Variants in ERLIN1 observed in about 807,000 individuals in gnomAD.
ERLIN1 encodes the protein erlin-1.
A neutral mutation model predicts 46.9 loss-of-function variants in ERLIN1; 24 were observed. That is an observed-to-expected ratio of 0.51 (90% confidence interval 0.37 to 0.72). ERLIN1 has a LOEUF of 0.72. ERLIN1 is among the 30% of genes least tolerant of loss of function. The pLI, the probability that ERLIN1 is intolerant of heterozygous loss-of-function variation, is 0.00. For synonymous variants in ERLIN1, 158 were observed against 143.2 expected (o/e 1.10, Z -0.74); for missense variants, 293 against 417.9 (o/e 0.70, Z 2.61).
At chr10:100,176,148 C>G (rs1844287261) in intron 4 of ERLIN1, 78 bp from the exon 5 acceptor site, 1 of 1,344,792 alleles carries the variant, frequency 7.4e-7, no homozygotes, top group African/African-American at 1.5e-5. Flanking sequence ...GGGTAAAAGT[C>G]AGGGTGATAT....
intron 8 of ERLIN1, among the ~76,000 whole-genome samples, chr10:100,158,382 G>T (rs1843182761): frequency 7.9e-5 from 12 of 152,148 alleles, no homozygotes; most frequent in Non-Finnish European, 1.5e-5. Flanking sequence ...ATAGGTGCAA[G>T]CAGCCAAACA....
intron 8 of ERLIN1, among the ~76,000 whole-genome samples, chr10:100,159,706 T>TTTAAA (rs56753663): frequency 0.25 from 37,256 of 151,654 alleles, 8,077 homozygotes; most frequent in African/African-American, 0.58. Flanking sequence ...GGAAAAGGTT[T>TTTAAA]AGAATTAAAA....
At chr10:100,182,331 T>TA (rs1161485876) in intron 2 of ERLIN1, among the ~76,000 whole-genome samples, 2 of 151,986 alleles carry the variant, frequency 1.3e-5, no homozygotes, top group African/African-American at 2.4e-5. Flanking sequence ...CGCCGGGCCT[T>TA]AGAGTCTTGA....
intron 1 of ERLIN1, 21 bp from the exon 2 acceptor site, chr10:100,183,858 T>C (rs200875472): frequency 6.4e-7 from 1 of 1,569,390 alleles, no homozygotes; most frequent in Non-Finnish European, 8.8e-7. Context: ...ATGTTTCAAT[T>C]TGACAAAATT....
At chr10:100,180,002 T>C (rs1844546323) in intron 2 of ERLIN1, among the ~76,000 whole-genome samples, 2 of 152,246 alleles carry the variant, frequency 1.3e-5, no homozygotes, top group Admixed American at 6.5e-5. Flanking sequence ...GACTCAAAGC[T>C]GCCCTTGAAT....
chr10:100,178,102 T>C (rs755995041), intron 4 of ERLIN1, 31 bp downstream of exon 4: 34 of 1,431,682 alleles, frequency 2.4e-5, no homozygotes, highest in Non-Finnish European at 2.7e-5. Context: ...TGGCTATAAC[T>C]ATAAAAACCA....
Position 100,163,210 on chromosome 10 carries a change from G to A in ERLIN1, c.655+794C>T, listed in dbSNP as rs139215741. Among the ~76,000 whole-genome samples, 3 of 151,978 alleles carry A rather than the reference G, an allele frequency of 2.0e-5. No individual in the cohort carries two copies. In the East Asian group the frequency reaches 5.8e-4, roughly 29 times the overall value. On this transcript the variant is annotated intron_variant, in intron 8 of 10. Coordinates refer to ENST00000421367, the MANE Select transcript of ERLIN1 (RefSeq NM_006459.4). ...GGTAACATTTTTGTAGTTTCAAACAGGTAAAACAATTTTATAAACTCTTAC... is the reference window on the plus strand; with the variant it reads ...GGTAACATTTTTGTAGTTTCAAACAAGTAAAACAATTTTATAAACTCTTAC...
At chr10:100,171,469 G>A (rs1843994501) in intron 6 of ERLIN1, among the ~76,000 whole-genome samples, 1 of 152,114 alleles carries the variant, frequency 6.6e-6, no homozygotes, top group Non-Finnish European at 1.5e-5. Context: ...AGTACAGCAT[G>A]AACACAGTTC....
Position 100,151,385 on chromosome 10 carries a change from A to G in ERLIN1, c.*746T>C, listed in dbSNP as rs12806. ...TCATCAACCCAATGCAGGGAATGCA[A>G]GGCCCCAGAGCTTTGGCTCAGAGCA... On this transcript the variant is annotated 3_prime_UTR_variant, in exon 11 of 11. Coordinates refer to ENST00000421367, the MANE Select transcript of ERLIN1 (RefSeq NM_006459.4). 37,634 of 153,102 alleles carry G rather than the reference A, an allele frequency of 0.25. 8,259 individuals carry two copies. Among genetic ancestry groups the G allele is most frequent in the African/African-American group, 0.58 (24,188 of 41,428 alleles). The allele number at this position is 153,102 out of a possible 1,614,324, so 9.5% of individuals were successfully genotyped here. A position where few individuals can be genotyped will look rare whatever the true frequency, so the allele number is the denominator to read the frequency against.
chr10:100,171,505 A>G (rs910492662), intron 6 of ERLIN1, among the ~76,000 whole-genome samples: 4 of 152,138 alleles, frequency 2.6e-5, no homozygotes, highest in Non-Finnish European at 4.4e-5. Flanking sequence ...TGCTGTGTTC[A>G]AGTCATCCTC....
In ERLIN1 at chr10:100,183,828, A is replaced by C. The variant is rs146824982; in HGVS notation, c.123T>G (p.Ala41=). The change falls in exon 2 of 11, where the codon GCT becomes GCG. Residue 41 remains alanine (A), a synonymous_variant. Coordinates refer to ENST00000421367, the MANE Select transcript of ERLIN1 (RefSeq NM_006459.4). ...CTGGTCCACTGGGGCTAGTTAGTAA[A>C]GCTCCTCCCCTGCAAAAAGATGTTT... The part of the protein sequence containing the change: ...GHLAVYYRGG[A]LLTSPSGPGY... 7.4e-6 allele frequency: 12 copies of C among 1,611,946 alleles called. No homozygotes were observed. In the African/African-American group the frequency reaches 1.5e-4, roughly 20 times the overall value.
At chr10:100,159,359 G>A (rs998332577) in intron 8 of ERLIN1, among the ~76,000 whole-genome samples, 8 of 152,096 alleles carry the variant, frequency 5.3e-5, no homozygotes, top group African/African-American at 1.9e-4. Flanking sequence ...TAATTGATAG[G>A]TCAAGAAGGC....
intron 8 of ERLIN1, among the ~76,000 whole-genome samples, chr10:100,162,527 A>G (rs1453748829): frequency 6.6e-6 from 1 of 152,146 alleles, no homozygotes; most frequent in Non-Finnish European, 1.5e-5. Flanking sequence ...AAGACATGCT[A>G]CCCTATGACC....
chr10:100,171,010 G>C (rs999722050), intron 6 of ERLIN1, among the ~76,000 whole-genome samples: 3 of 152,228 alleles, frequency 2.0e-5, no homozygotes, highest in African/African-American at 7.2e-5. Context: ...TGAGGGGATG[G>C]AGCTGAAGGC....
At chr10:100,160,434 CAA>C (rs1231447911) in intron 8 of ERLIN1, among the ~76,000 whole-genome samples, 1 of 151,590 alleles carries the variant, frequency 6.6e-6, no homozygotes, top group African/African-American at 2.4e-5. Context: ...AACCATGATA[CAA>C]AAAAACCTAA....
At chr10:100,168,140 A>T (rs1843750285) in intron 6 of ERLIN1, among the ~76,000 whole-genome samples, 1 of 152,118 alleles carries the variant, frequency 6.6e-6, no homozygotes, top group African/African-American at 2.4e-5. Context: ...TTGATCTCTC[A>T]AAAGCTTTTG....
intron 6 of ERLIN1, among the ~76,000 whole-genome samples, 188 bp downstream of exon 6, chr10:100,174,020 C>T (rs1844152098): frequency 6.6e-6 from 1 of 152,182 alleles, no homozygotes; most frequent in African/African-American, 2.4e-5. Flanking sequence ...TAGGAGTTCA[C>T]AAATGTCACC....
rs144877693 is a variant in ERLIN1, at chr10:100,165,832, T to A, written c.563+1516A>T. 9.8e-3 allele frequency among the ~76,000 whole-genome samples: 1,493 copies of A among 152,258 alleles called. 26 individuals are homozygous for A. The highest frequency in any genetic ancestry group is 0.035 in the African/African-American group (1,437 of 41,534). On this transcript the variant is annotated intron_variant, in intron 7 of 10. Coordinates refer to ENST00000421367, the MANE Select transcript of ERLIN1 (RefSeq NM_006459.4). The stretch of plus-strand genomic sequence containing the variant: ...CCTCTACCTCCCCGGTTGAAGCGAC[T>A]CTCCTACCTCAGCCTCCCCAGTAGC...
At chr10:100,181,335 G>A (rs914806147) in intron 2 of ERLIN1, among the ~76,000 whole-genome samples, 1 of 152,018 alleles carries the variant, frequency 6.6e-6, no homozygotes, top group African/African-American at 2.4e-5. Flanking sequence ...AAGGCTGAAG[G>A]TTTTCATATA....
Sources: gnomAD v4.1 joint callset for allele counts (sites outside exome capture counted in the v4.1 genomes callset) on GRCh38, gnomAD v4.1.1 for gene constraint, MANE v1.5 for transcripts, NCBI Gene and HGNC (gene_info 2026-07-23, HGNC 2026-07-21) for gene names.